The following SHISA9 variants were observed in gnomAD, a reference collection of about 807,000 sequenced individuals.
SHISA9 encodes the protein shisa family member 9, also known as protein shisa-9.
A neutral mutation model predicts 38.0 loss-of-function variants in SHISA9; 13 were observed. That is an observed-to-expected ratio of 0.34 (90% confidence interval 0.22 to 0.54). SHISA9 has a LOEUF of 0.54. Among genes scored for constraint, SHISA9 ranks in the 20% least tolerant of loss-of-function variants. The pLI is 0.91. For missense variants in SHISA9, 538 were observed against 575.8 expected (o/e 0.93, Z 0.67); for synonymous variants, 275 against 242.0 (o/e 1.14, Z -1.27).
At position 13,163,697 on chromosome 16, in the gene SHISA9, G is replaced by A. The variant is rs1160956122; in HGVS notation, c.692-39697G>A. On this transcript the variant is annotated intron_variant, in intron 2 of 4. Transcript: ENST00000558583. ...AGTTTTTATAGTTTTTATTGTACAGGCCTTGCACATCTTTTGTGAGATTTA... is the reference window on the plus strand; with the variant it reads ...AGTTTTTATAGTTTTTATTGTACAGACCTTGCACATCTTTTGTGAGATTTA... Among the ~76,000 whole-genome samples the A allele has an allele frequency of 2.6e-5, 4 of 151,890 alleles. No homozygotes were observed. The South Asian group carries it at 8.3e-4, about 32-fold the overall frequency.
At chr16:13,317,359 T>G in the SHISA9 span, among the ~76,000 whole-genome samples, 113 of 152,322 alleles carry the variant, frequency 7.4e-4, no homozygotes, top group African/African-American at 2.5e-3. Context: ...CCGTTGAGGA[T>G]TCTCAGGGGA....
the SHISA9 span, among the ~76,000 whole-genome samples, chr16:13,457,763 G>C: frequency 6.6e-6 from 1 of 151,888 alleles, no homozygotes; most frequent in African/African-American, 2.4e-5. Flanking sequence ...TTATGCTTAG[G>C]AGTGTCCTCA....
At chr16:13,247,544 T>G in the SHISA9 span, among the ~76,000 whole-genome samples, 108 of 152,240 alleles carry the variant, frequency 7.1e-4, 3 homozygotes, top group South Asian at 7.5e-3. Context: ...CTCTCAAAGT[T>G]CCTGGTACTA....
At chr16:13,559,890 A>G in the SHISA9 span, among the ~76,000 whole-genome samples, 1 of 152,382 alleles carries the variant, frequency 6.6e-6, no homozygotes, top group East Asian at 1.9e-4. Context: ...AGCTAAAGTC[A>G]GTCACATCAA....
intron 2 of SHISA9, among the ~76,000 whole-genome samples, chr16:13,184,349 T>C (rs905009732): frequency 6.6e-6 from 1 of 152,246 alleles, no homozygotes; most frequent in Non-Finnish European, 1.5e-5. Flanking sequence ...GATTCCCATC[T>C]TAAGCTAATC....
At chr16:13,062,530 T>G (rs2073387951) in intron 2 of SHISA9, among the ~76,000 whole-genome samples, 1 of 152,276 alleles carries the variant, frequency 6.6e-6, no homozygotes, top group South Asian at 2.1e-4. Flanking sequence ...GAGGCTTCCA[T>G]TGCAGAATGT....
chr16:13,169,433 T>G (rs774854127), intron 2 of SHISA9, among the ~76,000 whole-genome samples: 6 of 152,116 alleles, frequency 3.9e-5, no homozygotes, highest in Non-Finnish European at 7.4e-5. Flanking sequence ...AAGGCCATTA[T>G]GTTAGGAAAA....
the SHISA9 span, among the ~76,000 whole-genome samples, chr16:13,310,560 A>G: frequency 6.6e-6 from 1 of 152,186 alleles, no homozygotes; most frequent in Non-Finnish European, 1.5e-5. Flanking sequence ...AATAAAAGCC[A>G]TCATGTTGAA....
Position 13,235,498 on chromosome 16 carries a change from A to C in SHISA9, c.*89A>C. The C allele has an allele frequency of 7.2e-7, 1 of 1,386,422 alleles. No individual in the cohort carries two copies. The highest frequency in any genetic ancestry group is 9.6e-7 in the Non-Finnish European group (1 of 1,046,754). 85.9% of individuals were successfully genotyped at this position (1,386,422 alleles called of 1,614,324 possible). On this transcript the variant is annotated 3_prime_UTR_variant, in exon 5 of 5. Transcript: ENST00000558583. ...CCCACACCCTCCCCATCCTCCCCTA[A>C]TACATGCGTCCACACACTCACTCTC...
chr16:13,155,743 A>G (rs2050539364), intron 2 of SHISA9, among the ~76,000 whole-genome samples: 1 of 152,066 alleles, frequency 6.6e-6, no homozygotes, highest in South Asian at 2.1e-4. Context: ...ACATTTGTTA[A>G]TTCCATTTGG....
the SHISA9 span, among the ~76,000 whole-genome samples, chr16:13,435,469 T>C: frequency 0.92 from 139,908 of 152,180 alleles, 64,513 homozygotes; most frequent in African/African-American, 0.97. Flanking sequence ...AAAATGACAC[T>C]TGTTCCAGTG....
At chr16:13,053,160 G>A (rs916391907) in intron 2 of SHISA9, among the ~76,000 whole-genome samples, 1 of 151,388 alleles carries the variant, frequency 6.6e-6, no homozygotes, top group African/African-American at 2.4e-5. Context: ...ATGGGGTTTC[G>A]CCATGTTGGC....
intron 2 of SHISA9, among the ~76,000 whole-genome samples, chr16:12,936,901 C>CA (rs1044877553): frequency 6.6e-6 from 1 of 152,140 alleles, no homozygotes; most frequent in Admixed American, 6.6e-5. Context: ...CAACCATTGA[C>CA]ACCCTTGACA....
chr16:13,298,393 T>C, the SHISA9 span, among the ~76,000 whole-genome samples: 1 of 152,190 alleles, frequency 6.6e-6, no homozygotes, highest in East Asian at 1.9e-4. Flanking sequence ...TTATCAATAA[T>C]AAACACGATG....
At chr16:13,122,728 A>G (rs567025104) in intron 2 of SHISA9, among the ~76,000 whole-genome samples, 71 of 152,288 alleles carry the variant, frequency 4.7e-4, no homozygotes, top group Non-Finnish European at 1.0e-3. Context: ...TACTCAAACC[A>G]TATTATTAGG....
intron 2 of SHISA9, among the ~76,000 whole-genome samples, chr16:13,078,761 A>G (rs2073613448): frequency 6.6e-6 from 1 of 152,184 alleles, no homozygotes; most frequent in African/African-American, 2.4e-5. Context: ...AGGAGGGCTG[A>G]TACACATTTA....
chr16:13,552,671 C>G, the SHISA9 span, among the ~76,000 whole-genome samples: 1 of 152,106 alleles, frequency 6.6e-6, no homozygotes, highest in South Asian at 2.1e-4. Context: ...TTGAAAAGAC[C>G]GGCCCAGGGG....
At chr16:13,429,162 G>A in the SHISA9 span, among the ~76,000 whole-genome samples, 3 of 152,130 alleles carry the variant, frequency 2.0e-5, no homozygotes, top group African/African-American at 7.2e-5. Context: ...CAATAGACCA[G>A]GTGAGAAATA....
downstream of SHISA9, among the ~76,000 whole-genome samples, chr16:13,243,276 G>A (rs2051448464): frequency 6.6e-6 from 1 of 151,940 alleles, no homozygotes; most frequent in Non-Finnish European, 1.5e-5. Flanking sequence ...ATTTTGCTAA[G>A]GTCGAGGACA....
Sources: gnomAD v4.1 joint callset for allele counts (sites outside exome capture counted in the v4.1 genomes callset) on GRCh38, gnomAD v4.1.1 for gene constraint, MANE v1.5 for transcripts, NCBI Gene and HGNC (gene_info 2026-07-23, HGNC 2026-07-21) for gene names.